The following WBP2NL variants were observed in gnomAD, a reference collection of about 807,000 sequenced individuals.
WBP2NL encodes postacrosomal sheath WW domain-binding protein.
In WBP2NL, 27 loss-of-function variants were observed where a neutral mutation model predicts 23.3. The observed-to-expected ratio is 1.16, with a 90% CI of 0.85 to 1.60. The LOEUF is 1.60. Ranked by LOEUF, WBP2NL falls within the 40% of genes most tolerant of loss-of-function variation. WBP2NL has a pLI of 0.00. For missense variants in WBP2NL, 370 were observed against 389.5 expected (o/e 0.95, Z 0.42); for synonymous variants, 151 against 145.9 (o/e 1.03, Z -0.25).
chr22:42,019,350 A>T lies in WBP2NL; in HGVS notation c.102A>T (p.Pro34=). The T allele has an allele frequency of 6.2e-7, 1 of 1,614,122 alleles. No individual in the cohort carries two copies. Among genetic ancestry groups the T allele is most frequent in the Non-Finnish European group, 8.5e-7 (1 of 1,180,014 alleles). ...KRSPNVELSF[P]QRSEGSNVFS... is the part of the protein sequence containing the mutation. ...CTCCGAATGTGGAGCTCTCCTTCCC[A>T]CAGCGATCAGAAGGCTCAAATGTCT... is the stretch of plus-strand genomic sequence containing the variant. The change falls in exon 2 of 6, where the codon CCA becomes CCT. Residue 34 remains proline (P), a synonymous_variant. Transcript: ENST00000328823.
At chr22:41,999,173 T>C (rs942211356) in intron 1 of WBP2NL, among the ~76,000 whole-genome samples, 1 of 151,664 alleles carries the variant, frequency 6.6e-6, no homozygotes, top group Non-Finnish European at 1.5e-5. Context: ...GGGGAGGGGG[T>C]GCGAGACGCG....
intron 5 of WBP2NL, among the ~76,000 whole-genome samples, chr22:42,026,431 T>C (rs1440393492): frequency 1.3e-5 from 2 of 152,076 alleles, no homozygotes; most frequent in East Asian, 3.8e-4. Context: ...TTTCCATTCC[T>C]CTTTTCTCTA....
chr22:42,002,527 T>C (rs1450840856), intron 1 of WBP2NL: 7 of 152,126 alleles, frequency 4.6e-5, no homozygotes, highest in Non-Finnish European at 1.0e-4. Context: ...GAGGGGAGGT[T>C]GTAGTGAGCT....
At chr22:41,999,297 C>G (rs112861958) in intron 1 of WBP2NL, among the ~76,000 whole-genome samples, 1 of 152,180 alleles carries the variant, frequency 6.6e-6, no homozygotes, top group East Asian at 1.9e-4. Flanking sequence ...AGGACAGGTA[C>G]TGGGTGTGTA....
rs1042553045 is a variant in WBP2NL, at chr22:42,019,997, C to T, written c.314-7C>T. 2 of 1,612,464 alleles carry T rather than the reference C, an allele frequency of 1.2e-6. No individual in the cohort carries two copies. The highest frequency in any genetic ancestry group is 1.7e-5 in the Admixed American group (1 of 59,922). On this transcript the variant is annotated splice_region_variant and splice_polypyrimidine_tract_variant and intron_variant, in intron 3 of 5. Coordinates refer to ENST00000328823, the MANE Select transcript of WBP2NL (RefSeq NM_152613.3). ...TCTTGGTGAGTGTGTGCCATTTCTT[C>T]CCCCAGGTGGCTGGGAAGGACAAGC... is the stretch of plus-strand genomic sequence containing the variant.
chr22:42,032,721 A>C (rs1318092925), downstream of WBP2NL: 3 of 469,720 alleles, frequency 6.4e-6, no homozygotes, highest in Admixed American at 4.8e-5. Flanking sequence ...AGGGTGGGGC[A>C]GACAACCATG....
chr22:42,024,138 G>A (rs186233388), intron 5 of WBP2NL, among the ~76,000 whole-genome samples: 282 of 152,214 alleles, frequency 1.9e-3, no homozygotes, highest in African/African-American at 6.6e-3. Context: ...ACGTTTTTGA[G>A]GTTCCTCCAA....
intron 8 of WBP2NL, among the ~76,000 whole-genome samples, chr22:42,042,578 A>C (rs1189168292): frequency 1.3e-5 from 2 of 152,024 alleles, no homozygotes; most frequent in African/African-American, 2.4e-5. Flanking sequence ...TAAATTGTTT[A>C]TCTGTGTTCT....
At chr22:42,035,454 C>A (rs1925146920), downstream of WBP2NL, among the ~76,000 whole-genome samples, 1 of 152,254 alleles carries the variant, frequency 6.6e-6, no homozygotes, top group Admixed American at 6.5e-5. Context: ...AAGCTCTCAC[C>A]CCAACTTGGA....
chr22:42,001,612 T>C (rs113546154), intron 1 of WBP2NL: 2 of 1,143,534 alleles, frequency 1.7e-6, no homozygotes, highest in Non-Finnish European at 2.7e-6. Flanking sequence ...TGGCACCGCC[T>C]GATGCCAGAT....
At chr22:42,030,345 A>G (rs563373590), downstream of WBP2NL, among the ~76,000 whole-genome samples, 18 of 152,374 alleles carry the variant, frequency 1.2e-4, no homozygotes, top group African/African-American at 4.3e-4. Context: ...AAGTCAAAAG[A>G]CCATTCTTCC....
At position 42,019,823 on chromosome 22, in the gene WBP2NL, T is replaced by G. The variant is rs772224752; in HGVS notation, c.313+20T>G. The G allele has an allele frequency of 1.2e-6, 2 of 1,608,966 alleles. No homozygotes were observed. The highest frequency in any genetic ancestry group is 1.7e-5 in the Admixed American group (1 of 58,898). On this transcript the variant is annotated intron_variant, in intron 3 of 5. Transcript: ENST00000328823. ...CATATGGTAAGTGTTCCCTCAGAAGTGTGTATTTTTTTTTCCCTCAAAATC... is the reference window on the plus strand; with the variant it reads ...CATATGGTAAGTGTTCCCTCAGAAGGGTGTATTTTTTTTTCCCTCAAAATC...
At chr22:42,004,133 G>A (rs1026764126) in intron 1 of WBP2NL, among the ~76,000 whole-genome samples, 3 of 152,142 alleles carry the variant, frequency 2.0e-5, no homozygotes, top group Admixed American at 6.5e-5. Context: ...TTTGCCAGGC[G>A]TGGTGGCACA....
intron 5 of WBP2NL, among the ~76,000 whole-genome samples, chr22:42,025,081 C>T (rs2146798353): frequency 6.6e-6 from 1 of 152,326 alleles, no homozygotes; most frequent in South Asian, 2.1e-4. Flanking sequence ...GTGTGAACAA[C>T]TGTGCCCAGG....
chr22:42,002,033 G>C (rs998803888), intron 1 of WBP2NL: 5 of 532,762 alleles, frequency 9.4e-6, no homozygotes, highest in Non-Finnish European at 1.5e-5. Context: ...CTCCGGGGCT[G>C]ATTGTGAAGT....
chr22:42,016,670 AGACT>A (rs1417766304), intron 1 of WBP2NL, among the ~76,000 whole-genome samples: 5 of 152,252 alleles, frequency 3.3e-5, no homozygotes, highest in African/African-American at 1.2e-4. Context: ...TTTTATGGCT[AGACT>A]GACATTTAAA....
chr22:42,034,985 A>T (rs1393115141), downstream of WBP2NL, among the ~76,000 whole-genome samples: 1 of 152,246 alleles, frequency 6.6e-6, no homozygotes, highest in Non-Finnish European at 1.5e-5. Context: ...TAACGCAATT[A>T]TTACAGGGTC....
chr22:42,019,167 G>C (rs1827224543), intron 1 of WBP2NL, 144 bp from the exon 2 acceptor site: 2 of 642,982 alleles, frequency 3.1e-6, no homozygotes, highest in African/African-American at 1.9e-5. Flanking sequence ...CTTGCAGTGA[G>C]GTGAAATCGT....
chr22:42,001,739 A>G, intron 1 of WBP2NL: 3 of 1,213,040 alleles, frequency 2.5e-6, no homozygotes, highest in Non-Finnish European at 3.7e-6. Context: ...ATCTGATGAC[A>G]CTGGCCAGGT....
Sources: gnomAD v4.1 joint callset for allele counts (sites outside exome capture counted in the v4.1 genomes callset) on GRCh38, gnomAD v4.1.1 for gene constraint, MANE v1.5 for transcripts, NCBI Gene and HGNC (gene_info 2026-07-23, HGNC 2026-07-21) for gene names.